RSRC1: variants seen among roughly 807,000 people sequenced by gnomAD.
The protein encoded by RSRC1 is serine/Arginine-related protein 53.
Under a neutral mutation model 49.1 loss-of-function variants are expected in RSRC1, and 39 were observed. The ratio of observed to expected loss-of-function variants is 0.79; its 90% CI spans 0.61 to 1.04. RSRC1 has a LOEUF of 1.04. Ranked by LOEUF, RSRC1 falls within the 50% of genes least tolerant of loss-of-function variation. The pLI is 0.00. For synonymous variants in RSRC1, 143 were observed against 130.8 expected (o/e 1.09, Z -0.63); for missense variants, 388 against 402.4 (o/e 0.96, Z 0.31).
intron 4 of RSRC1, among the ~76,000 whole-genome samples, chr3:158,247,263 C>T (rs1723957867): frequency 1.3e-5 from 2 of 152,054 alleles, no homozygotes; most frequent in Non-Finnish European, 2.9e-5. Flanking sequence ...CTGTCAGCTC[C>T]TGTATTGTTT....
chr3:158,416,716 G>A (rs1057169662), intron 6 of RSRC1, among the ~76,000 whole-genome samples: 5 of 152,176 alleles, frequency 3.3e-5, no homozygotes, highest in African/African-American at 1.2e-4. Context: ...CTTAATAATT[G>A]TGGTTATTTC....
intron 5 of RSRC1, among the ~76,000 whole-genome samples, chr3:158,348,817 A>G (rs1387058513): frequency 6.6e-6 from 1 of 151,934 alleles, no homozygotes; most frequent in African/African-American, 2.4e-5. Flanking sequence ...CTTGGCTTTC[A>G]CTTATAACTG....
At chr3:158,468,249 A>G (rs1467247120) in intron 7 of RSRC1, among the ~76,000 whole-genome samples, 2 of 152,210 alleles carry the variant, frequency 1.3e-5, no homozygotes, top group African/African-American at 4.8e-5. Context: ...ATTATTTTCT[A>G]CAAATACATT....
chr3:158,527,130 C>T (rs1202650649), intron 7 of RSRC1, among the ~76,000 whole-genome samples: 1 of 145,988 alleles, frequency 6.8e-6, no homozygotes, highest in South Asian at 2.2e-4. Context: ...ATATACTCGC[C>T]GCTTCTGAAT....
intron 3 of RSRC1, among the ~76,000 whole-genome samples, chr3:158,200,191 C>T (rs1400491821): frequency 2.0e-5 from 3 of 152,096 alleles, no homozygotes; most frequent in Non-Finnish European, 4.4e-5. Flanking sequence ...GCATCCGCCA[C>T]CATGCCCAGC....
intron 7 of RSRC1, among the ~76,000 whole-genome samples, chr3:158,515,057 T>C (rs1194774824): frequency 6.7e-6 from 1 of 149,088 alleles, no homozygotes; most frequent in Non-Finnish European, 1.5e-5. Flanking sequence ...CTGATGGGTC[T>C]TGACTCTTTA....
At chr3:158,342,368 C>T (rs940633348) in intron 5 of RSRC1, among the ~76,000 whole-genome samples, 4 of 152,100 alleles carry the variant, frequency 2.6e-5, no homozygotes, top group Non-Finnish European at 4.4e-5. Flanking sequence ...CAGTCTTTCC[C>T]GTGCTATTCT....
intron 9 of RSRC1, 81 bp downstream of exon 9, chr3:158,543,568 C>T: frequency 7.2e-7 from 1 of 1,389,026 alleles, no homozygotes; most frequent in Non-Finnish European, 9.8e-7. Flanking sequence ...TTTGTGCTAA[C>T]ACCAAGGAGA....
intron 5 of RSRC1, among the ~76,000 whole-genome samples, chr3:158,341,253 A>G (rs1489474499): frequency 1.3e-5 from 2 of 152,172 alleles, no homozygotes; most frequent in Non-Finnish European, 2.9e-5. Flanking sequence ...GACCATGGGG[A>G]AAATGTCTCC....
intron 6 of RSRC1, among the ~76,000 whole-genome samples, chr3:158,386,244 G>C (rs1200663900): frequency 2.0e-5 from 3 of 151,852 alleles, no homozygotes; most frequent in Non-Finnish European, 2.9e-5. Context: ...AAGGTAATGA[G>C]CCTATTATTT....
At chr3:158,341,112 A>C (rs1402380575) in intron 5 of RSRC1, among the ~76,000 whole-genome samples, 1 of 152,218 alleles carries the variant, frequency 6.6e-6, no homozygotes, top group Non-Finnish European at 1.5e-5. Flanking sequence ...CTTAAAAGAG[A>C]AACAGAGCAT....
intron 4 of RSRC1, among the ~76,000 whole-genome samples, chr3:158,261,098 T>C (rs1384282592): frequency 2.0e-5 from 3 of 152,218 alleles, no homozygotes; most frequent in Non-Finnish European, 4.4e-5. Flanking sequence ...AATTTGCTGT[T>C]CCTGCCAGGG....
At chr3:158,379,836 A>ACACACACACACC (rs1027981758) in intron 6 of RSRC1, among the ~76,000 whole-genome samples, 7 of 143,862 alleles carry the variant, frequency 4.9e-5, no homozygotes, top group South Asian at 4.4e-4. Flanking sequence ...ACACACACAC[A>ACACACACACACC]CCCTCCCTCC....
intron 7 of RSRC1, among the ~76,000 whole-genome samples, chr3:158,477,165 C>A (rs2108430614): frequency 6.6e-6 from 1 of 152,264 alleles, no homozygotes; most frequent in South Asian, 2.1e-4. Context: ...GAGATGGAAT[C>A]TACTCCTGGT....
chr3:158,479,794 A>T (rs1354746740), intron 7 of RSRC1, among the ~76,000 whole-genome samples: 1 of 152,056 alleles, frequency 6.6e-6, no homozygotes, highest in African/African-American at 2.4e-5. Context: ...TTAAATGGCT[A>T]ATTTAACTGA....
chr3:158,315,116 A>G (rs9810904), intron 5 of RSRC1, among the ~76,000 whole-genome samples: 13,300 of 152,232 alleles, frequency 0.087, 715 homozygotes, highest in Middle Eastern at 0.15. Flanking sequence ...GCATATATGA[A>G]ACCAAATGTA....
intron 4 of RSRC1, among the ~76,000 whole-genome samples, chr3:158,275,020 G>A (rs1331508411): frequency 1.3e-5 from 2 of 152,128 alleles, no homozygotes; most frequent in Non-Finnish European, 2.9e-5. Flanking sequence ...TAGTGTTATT[G>A]TTACATATTT....
intron 3 of RSRC1, among the ~76,000 whole-genome samples, chr3:158,192,546 G>A (rs1455655247): frequency 1.3e-5 from 2 of 152,014 alleles, no homozygotes; most frequent in Admixed American, 1.3e-4. Context: ...GGAGGATTGG[G>A]TAGATAGTAC....
chr3:158,218,556 C>G (rs1722074180), intron 4 of RSRC1, among the ~76,000 whole-genome samples: 1 of 151,608 alleles, frequency 6.6e-6, no homozygotes, highest in South Asian at 2.1e-4. Flanking sequence ...TTTGGACATA[C>G]TGAGTTTGAG....
Sources: allele counts gnomAD v4.1 joint callset (sites outside exome capture counted in the v4.1 genomes callset), GRCh38; gene constraint gnomAD v4.1.1; transcripts MANE v1.5; gene names NCBI Gene and HGNC (gene_info 2026-07-23, HGNC 2026-07-21).